SORCS1: variants seen among roughly 807,000 people sequenced by gnomAD.
The protein encoded by SORCS1 is VPS10 domain-containing receptor SorCS1.
In SORCS1, 60 loss-of-function variants were observed where a neutral mutation model predicts 146.1. The ratio of observed to expected loss-of-function variants is 0.41; its 90% CI spans 0.33 to 0.51. The LOEUF (loss-of-function observed/expected upper bound fraction) is 0.51, where lower values mean the gene tolerates loss of function less well. Ranked by LOEUF, SORCS1 falls within the 20% of genes least tolerant of loss-of-function variation. SORCS1 has a pLI of 0.21. For synonymous variants in SORCS1, 637 were observed against 584.0 expected (o/e 1.09, Z -1.31); for missense variants, 1,352 against 1,487.6 (o/e 0.91, Z 1.50).
chr10:106,927,060 ACAG>A (rs988455230), intron 2 of SORCS1, among the ~76,000 whole-genome samples: 1 of 152,178 alleles, frequency 6.6e-6, no homozygotes, highest in African/African-American at 2.4e-5. Flanking sequence ...GATGAGAGTG[ACAG>A]GATAGAAAAA....
At chr10:107,175,664 G>A in the SORCS1 span, among the ~76,000 whole-genome samples, 4 of 152,112 alleles carry the variant, frequency 2.6e-5, no homozygotes, top group African/African-American at 9.7e-5. Context: ...TCAAACTCCT[G>A]ATCTCAAGTG....
intron 1 of SORCS1, among the ~76,000 whole-genome samples, chr10:107,111,631 G>A (rs1202242042): frequency 6.6e-6 from 1 of 152,142 alleles, no homozygotes; most frequent in African/African-American, 2.4e-5. Flanking sequence ...AAGGAGAAAG[G>A]AGAGAGAGTA....
intron 17 of SORCS1, among the ~76,000 whole-genome samples, chr10:106,660,264 T>A (rs1362692789): frequency 1.3e-5 from 2 of 152,136 alleles, no homozygotes; most frequent in Non-Finnish European, 2.9e-5. Flanking sequence ...AGTTTTCAAG[T>A]TTTTATTTTT....
At chr10:106,685,028 T>G (rs1852715956) in intron 10 of SORCS1, among the ~76,000 whole-genome samples, 1 of 152,308 alleles carries the variant, frequency 6.6e-6, no homozygotes, top group African/African-American at 2.4e-5. Context: ...GAAGGAAGGC[T>G]GGAAAACTCC....
intron 3 of SORCS1, among the ~76,000 whole-genome samples, chr10:106,828,552 C>A (rs1384273795): frequency 6.6e-6 from 1 of 152,170 alleles, no homozygotes; most frequent in Non-Finnish European, 1.5e-5. Flanking sequence ...AATGAAAAAT[C>A]TGAGATGAGA....
chr10:106,852,803 A>G (rs2137308637), intron 2 of SORCS1, among the ~76,000 whole-genome samples: 1 of 152,224 alleles, frequency 6.6e-6, no homozygotes, highest in East Asian at 1.9e-4. Context: ...TGATTTTTGA[A>G]TATTAAACCA....
At chr10:106,581,881 G>A (rs1844940016) in intron 24 of SORCS1, among the ~76,000 whole-genome samples, 1 of 152,152 alleles carries the variant, frequency 6.6e-6, no homozygotes, top group African/African-American at 2.4e-5. Context: ...TAATTTGTCA[G>A]GGAACAATGG....
chr10:106,733,059 G>A (rs928644739), intron 5 of SORCS1, among the ~76,000 whole-genome samples: 13 of 143,802 alleles, frequency 9.0e-5, no homozygotes, highest in African/African-American at 2.9e-4. Context: ...AGTGAGCCAA[G>A]ATCACACTGC....
chr10:106,922,498 C>A (rs1176320104), intron 2 of SORCS1, among the ~76,000 whole-genome samples: 1 of 152,190 alleles, frequency 6.6e-6, no homozygotes, highest in Non-Finnish European at 1.5e-5. Context: ...CGAAACCAGT[C>A]AAAGACATTT....
intron 2 of SORCS1, among the ~76,000 whole-genome samples, chr10:106,933,638 GC>G (rs987139952): frequency 2.0e-5 from 3 of 151,820 alleles, no homozygotes; most frequent in Non-Finnish European, 2.9e-5. Flanking sequence ...TATCCAGGAT[GC>G]CCCCCCACCC....
At position 106,612,016 on chromosome 10, in the gene SORCS1, G is replaced by C; in HGVS notation, c.2928C>G (p.Phe976Leu). Residue 976 changes from phenylalanine to leucine, a missense_variant, in exon 22 of 26, where the codon TTC (phenylalanine) becomes TTG (leucine). Transcript: ENST00000263054. ...GAGAAAAGGACAAGCGAAGAGACCGGAATTCCTCTGGGGATATAACAGTAG... is the reference window on the plus strand; with the variant it reads ...GAGAAAAGGACAAGCGAAGAGACCGCAATTCCTCTGGGGATATAACAGTAG... ...DTKTIAVYEEFRSLRLSFSPN... is the reference protein window; with the variant it reads ...DTKTIAVYEELRSLRLSFSPN... 6.2e-7 allele frequency: 1 copy of C among 1,613,496 alleles called. No individual in the cohort carries two copies. Among genetic ancestry groups the C allele is most frequent in the Non-Finnish European group, 8.5e-7 (1 of 1,179,432 alleles).
intron 1 of SORCS1, among the ~76,000 whole-genome samples, chr10:107,123,152 C>A (rs1403282139): frequency 1.3e-5 from 2 of 150,946 alleles, no homozygotes; most frequent in Non-Finnish European, 2.9e-5. Flanking sequence ...TCTGAAGAGC[C>A]AAAGCAGCTC....
At chr10:107,154,888 C>G (rs550153903) in intron 1 of SORCS1, among the ~76,000 whole-genome samples, 1 of 152,078 alleles carries the variant, frequency 6.6e-6, no homozygotes, top group Non-Finnish European at 1.5e-5. Context: ...AATCATCAAG[C>G]CACCATATAA....
At chr10:106,611,277 C>T (rs930467312) in intron 22 of SORCS1, among the ~76,000 whole-genome samples, 3 of 152,160 alleles carry the variant, frequency 2.0e-5, no homozygotes, top group Admixed American at 6.5e-5. Flanking sequence ...AATTTTGCAG[C>T]TCCATCCTCT....
At chr10:106,593,997 T>A (rs961907317) in intron 24 of SORCS1, among the ~76,000 whole-genome samples, 20 of 152,232 alleles carry the variant, frequency 1.3e-4, no homozygotes, top group African/African-American at 4.8e-4. Context: ...CTTTGCATTA[T>A]TTTTTGTCAT....
intron 17 of SORCS1, among the ~76,000 whole-genome samples, chr10:106,655,855 G>A (rs1322600003): frequency 6.6e-6 from 1 of 152,140 alleles, no homozygotes; most frequent in Non-Finnish European, 1.5e-5. Flanking sequence ...CATCCCAGCA[G>A]CTGTCCCTGG....
chr10:106,986,093 T>C (rs929762352), intron 1 of SORCS1, among the ~76,000 whole-genome samples: 2 of 152,156 alleles, frequency 1.3e-5, no homozygotes, highest in Non-Finnish European at 1.5e-5. Flanking sequence ...TGTGGAACAA[T>C]GAATACTATG....
intron 2 of SORCS1, among the ~76,000 whole-genome samples, chr10:106,896,428 CAAAAAAAA>C (rs781084783): frequency 1.7e-5 from 1 of 57,154 alleles, no homozygotes; most frequent in African/African-American, 5.8e-5. Context: ...GACTTTGTCT[CAAAAAAAA>C]AAAAAAAAAA....
At chr10:106,774,854 TA>T (rs1445570701) in intron 4 of SORCS1, among the ~76,000 whole-genome samples, 1 of 152,244 alleles carries the variant, frequency 6.6e-6, no homozygotes, top group African/African-American at 2.4e-5. Flanking sequence ...GCATGGCACT[TA>T]AAAGAGATGT....
Sources: allele counts gnomAD v4.1 joint callset (sites outside exome capture counted in the v4.1 genomes callset), GRCh38; gene constraint gnomAD v4.1.1; transcripts MANE v1.5; gene names NCBI Gene and HGNC (gene_info 2026-07-23, HGNC 2026-07-21).